AP3B2: variants seen among roughly 807,000 people sequenced by gnomAD.
The protein encoded by AP3B2 is AP-3 complex subunit beta-2.
Under a neutral mutation model 126.9 loss-of-function variants are expected in AP3B2, and 50 were observed. That is an observed-to-expected ratio of 0.39 (90% confidence interval 0.31 to 0.50). The LOEUF is 0.50. Among genes scored for constraint, AP3B2 ranks in the 20% least tolerant of loss-of-function variants. AP3B2 has a pLI of 0.79. For missense variants in AP3B2, 1,177 were observed against 1,426.4 expected (o/e 0.83, Z 2.82); for synonymous variants, 541 against 565.0 (o/e 0.96, Z 0.60).
intron 4 of AP3B2, chr15:82,685,467 G>C (rs959151204): frequency 6.6e-6 from 1 of 152,188 alleles, no homozygotes; most frequent in Non-Finnish European, 1.5e-5. Flanking sequence ...GACAAGACAA[G>C]ATCCTCACAA....
rs377378283 is a variant in AP3B2 at position 82,662,661 on chromosome 15, C to T, written c.2833+33G>A. 235 of 1,571,570 alleles carry T rather than the reference C, an allele frequency of 1.5e-4. 1 individual carries two copies. The Middle Eastern group carries it at 1.8e-3, about 12-fold the overall frequency. On this transcript the variant is annotated intron_variant, in intron 23 of 26. Transcript: ENST00000535359. Reference sequence around the variant, plus strand: ...AGAAAGACTGACTCTGCCCAGGAGCCTCCTCCTCCACCCCATCCAAAGCCC... The same window carrying T: ...AGAAAGACTGACTCTGCCCAGGAGCTTCCTCCTCCACCCCATCCAAAGCCC...
Position 82,659,414 on chromosome 15 carries a change from G to A in AP3B2, c.*146C>T, listed in dbSNP as rs2047895706. 1.5e-5 allele frequency: 15 copies of A among 1,030,142 alleles called. 2 individuals are homozygous for A. The East Asian group carries it at 3.7e-4, about 26-fold the overall frequency. 63.8% of individuals were successfully genotyped at this position (1,030,142 alleles called of 1,614,324 possible). A position where few individuals can be genotyped will look rare whatever the true frequency, so the allele number is the denominator to read the frequency against. On this transcript the variant is annotated 3_prime_UTR_variant, in exon 27 of 27. Transcript: ENST00000535359. ...TGGGGAGGGCATTAGGGGAGGGCTTGGTCCTCCAGAGGGAGAGAGGACACC... is the reference window on the plus strand; with the variant it reads ...TGGGGAGGGCATTAGGGGAGGGCTTAGTCCTCCAGAGGGAGAGAGGACACC...
intron 1 of AP3B2, among the ~76,000 whole-genome samples, chr15:82,706,337 A>T (rs550821512): frequency 5.9e-5 from 9 of 152,202 alleles, no homozygotes; most frequent in Non-Finnish European, 1.3e-4. Context: ...TACTGACTCT[A>T]AATATGCCTT....
chr15:82,700,663 T>C (rs2048707339), intron 1 of AP3B2, among the ~76,000 whole-genome samples: 1 of 150,062 alleles, frequency 6.7e-6, no homozygotes, highest in Admixed American at 6.6e-5. Flanking sequence ...CCTCCCAAAG[T>C]GCTAGGATTA....
At chr15:82,708,289 C>T (rs1301025170) in intron 1 of AP3B2, among the ~76,000 whole-genome samples, 2 of 151,980 alleles carry the variant, frequency 1.3e-5, no homozygotes, top group African/African-American at 4.8e-5. Context: ...CGGTCCCACC[C>T]CATTTCCCTT....
At chr15:82,666,261 A>C (rs2048055924) in intron 15 of AP3B2, among the ~76,000 whole-genome samples, 1 of 152,238 alleles carries the variant, frequency 6.6e-6, no homozygotes, top group Admixed American at 6.5e-5. Context: ...CTTAAGGGCC[A>C]AGCCCAGGAA....
intron 1 of AP3B2, among the ~76,000 whole-genome samples, chr15:82,696,191 G>C (rs1480431927): frequency 6.6e-6 from 1 of 152,160 alleles, no homozygotes; most frequent in Non-Finnish European, 1.5e-5. Context: ...CTGGGGGCTA[G>C]AACTTCAACA....
intron 25 of AP3B2, among the ~76,000 whole-genome samples, chr15:82,660,210 C>G (rs897215658): frequency 6.6e-6 from 1 of 152,276 alleles, no homozygotes; most frequent in African/African-American, 2.4e-5. Context: ...AGGCCTTTAT[C>G]CATGTTGTTA....
chr15:82,670,069 C>CA (rs779045948), intron 14 of AP3B2, among the ~76,000 whole-genome samples: 14,388 of 36,172 alleles, frequency 0.4, 2,894 homozygotes, highest in Non-Finnish European at 0.45. Context: ...ACTCCGTCTC[C>CA]AAAAAAAAAA....
Position 82,681,175 on chromosome 15 carries a change from C to T in AP3B2, c.525G>A (p.Leu175=). The change falls in exon 6 of 27, where the codon TTG becomes TTA. Residue 175 remains leucine, a synonymous_variant. Coordinates refer to ENST00000535359, the MANE Select transcript of AP3B2 (RefSeq NM_001278512.2). This position sits in a 1 kb window ranked among gnomAD's most constrained non-coding sequence, Gnocchi z 4.0. ...TCAGCTGATCCTTCTGGTCAGAGTC[C>T]AAACTGAGGGAGAAATCGGTGAGGG... ...AAHAIPKLYS[L]DSDQKDQLIE... 1 of 1,611,158 alleles carries T rather than the reference C, an allele frequency of 6.2e-7. No individual in the cohort carries two copies. Among genetic ancestry groups the T allele is most frequent in the South Asian group, 1.1e-5 (1 of 90,434 alleles).
chr15:82,702,064 G>A (rs113796068), intron 1 of AP3B2, among the ~76,000 whole-genome samples: 1 of 152,070 alleles, frequency 6.6e-6, no homozygotes, highest in Non-Finnish European at 1.5e-5. Flanking sequence ...TCTAATGTTG[G>A]TGTCTTCAGG....
Position 82,662,936 on chromosome 15 carries a change from G to T in AP3B2, c.2605-14C>A. ...TGGACTCAGAAGCTAGAGTGGAGGG[G>T]TAGGGAAGGACAGAACTGAGCAAGA... On this transcript the variant is annotated splice_polypyrimidine_tract_variant and intron_variant, in intron 22 of 26. Coordinates refer to ENST00000535359, the MANE Select transcript of AP3B2 (RefSeq NM_001278512.2). 6.2e-7 allele frequency: 1 copy of T among 1,607,554 alleles called. No homozygotes were observed. The highest frequency in any genetic ancestry group is 8.5e-7 in the Non-Finnish European group (1 of 1,177,826).
chr15:82,688,448 T>G (rs761285482), intron 4 of AP3B2: 1 of 701,612 alleles, frequency 1.4e-6, no homozygotes, highest in South Asian at 1.5e-5. Flanking sequence ...GACTCTCCAC[T>G]CTCCGGGGGC....
rs1328697873 is a variant in AP3B2 at position 82,689,595 on chromosome 15, A to T, written c.114-142T>A. The T allele has an allele frequency of 2.0e-5, 14 of 691,580 alleles. No homozygotes were observed. In the East Asian group the frequency reaches 3.8e-4, roughly 19 times the overall value. The allele number at this position is 691,580 out of a possible 1,614,324, so 42.8% of individuals were successfully genotyped here. On this transcript the variant is annotated intron_variant, in intron 1 of 26. Coordinates refer to ENST00000535359, the MANE Select transcript of AP3B2 (RefSeq NM_001278512.2). ...CCGAGGAGGGACCAGAGCCAGGGGG[A>T]ACAAGTAAAGTACAGATCAGGGGAA...
At position 82,665,113 on chromosome 15, in the gene AP3B2, T is replaced by C; in HGVS notation, c.2028+134A>G. 1.8e-6 allele frequency: 2 copies of C among 1,093,650 alleles called. No homozygotes were observed. Among genetic ancestry groups the C allele is most frequent in the East Asian group, 2.6e-5 (1 of 38,736 alleles). The allele number at this position is 1,093,650 out of a possible 1,614,324, so 67.7% of individuals were successfully genotyped here. ...GGCACTGTCCATGGAGGGGAGGGAA[T>C]GCTGCTCACAGAGGAGCACTGCCAA... is the stretch of plus-strand genomic sequence containing the variant. On this transcript the variant is annotated intron_variant, in intron 17 of 26. Transcript: ENST00000535359. The surrounding 1 kb of genome is among the most constrained non-coding windows in gnomAD (Gnocchi z 4.4).
At chr15:82,663,006 G>C in intron 22 of AP3B2, 84 bp from the exon 23 acceptor site, 1 of 1,518,174 alleles carries the variant, frequency 6.6e-7, no homozygotes, top group Non-Finnish European at 9.0e-7. Flanking sequence ...CCATCCAGCA[G>C]CTGGGACTCA....
At chr15:82,668,806 G>T (rs1008214678) in intron 14 of AP3B2, among the ~76,000 whole-genome samples, 1 of 151,982 alleles carries the variant, frequency 6.6e-6, no homozygotes, top group Admixed American at 6.6e-5. Flanking sequence ...ATACACTCCA[G>T]TGTGCCAAGA....
rs1596167637 is a variant in AP3B2 at position 82,664,061 on chromosome 15, G to A, written c.2262-86C>T. 3 of 1,500,354 alleles carry A rather than the reference G, an allele frequency of 2.0e-6. No individual in the cohort carries two copies. Among genetic ancestry groups the A allele is most frequent in the African/African-American group, 1.4e-5 (1 of 72,410 alleles). 92.9% of individuals were successfully genotyped at this position (1,500,354 alleles called of 1,614,324 possible). A position where few individuals can be genotyped will look rare whatever the true frequency, so the allele number is the denominator to read the frequency against. ...AAGCAGGAGAAATGCTGAAAAGCTG[G>A]AGTGGTGTGGGGAGCCTGAGCCAGG... On this transcript the variant is annotated intron_variant, in intron 19 of 26. Coordinates refer to ENST00000535359, the MANE Select transcript of AP3B2 (RefSeq NM_001278512.2). The surrounding 1 kb of genome is among the most constrained non-coding windows in gnomAD (Gnocchi z 4.5).
At chr15:82,690,296 C>T (rs956539788) in intron 1 of AP3B2, among the ~76,000 whole-genome samples, 5 of 151,682 alleles carry the variant, frequency 3.3e-5, no homozygotes, top group Non-Finnish European at 5.9e-5. Flanking sequence ...GGTACATGTG[C>T]ACAACGTGCA....
Sources: gnomAD v4.1 joint callset for allele counts (sites outside exome capture counted in the v4.1 genomes callset) on GRCh38, gnomAD v4.1.1 for gene constraint, Gnocchi (gnomAD v3.1) non-coding constraint, MANE v1.5 for transcripts, NCBI Gene and HGNC (gene_info 2026-07-23, HGNC 2026-07-21) for gene names.